DPP10: variants seen among roughly 807,000 people sequenced by gnomAD.
DPP10 encodes inactive dipeptidyl peptidase 10.
A neutral mutation model predicts 120.9 loss-of-function variants in DPP10; 33 were observed. The ratio of observed to expected loss-of-function variants is 0.27; its 90% CI spans 0.21 to 0.37. The LOEUF is 0.37. Among genes scored for constraint, DPP10 ranks in the 10% least tolerant of loss-of-function variants. The pLI is 1.00. For missense variants in DPP10, 816 were observed against 942.8 expected, an observed-to-expected ratio of 0.87 and a Z score of 1.76; for synonymous variants, 337 against 326.1, an observed-to-expected ratio of 1.03 and a Z score of -0.36.
At chr2:114,776,018 A>G (rs1364068182) in intron 1 of DPP10, among the ~76,000 whole-genome samples, 1 of 152,210 alleles carries the variant, frequency 6.6e-6, no homozygotes. Flanking sequence ...TGCAGATAGC[A>G]GGAGTTAATA....
chr2:115,366,927 G>A (rs773053807), intron 3 of DPP10, among the ~76,000 whole-genome samples: 3 of 152,012 alleles, frequency 2.0e-5, no homozygotes, highest in Non-Finnish European at 2.9e-5. Context: ...TGTTGGTCAT[G>A]CCCAAGACAA....
chr2:114,506,381 C>T (rs536255649), intron 1 of DPP10, among the ~76,000 whole-genome samples: 14 of 152,262 alleles, frequency 9.2e-5, no homozygotes, highest in East Asian at 7.7e-4. Flanking sequence ...CCACTTTCAT[C>T]GGTAATAAAA....
intron 7 of DPP10, among the ~76,000 whole-genome samples, chr2:115,702,135 G>A (rs961315496): frequency 3.9e-5 from 6 of 152,044 alleles, no homozygotes; most frequent in Non-Finnish European, 7.4e-5. Flanking sequence ...ATGACCTTGA[G>A]GAACAAGGTT....
intron 1 of DPP10, among the ~76,000 whole-genome samples, chr2:114,940,047 A>G (rs993025083): frequency 6.6e-6 from 1 of 152,156 alleles, no homozygotes; most frequent in African/African-American, 2.4e-5. Context: ...GTGTGTGCTT[A>G]TCTACCTTGT....
chr2:115,404,654 C>T (rs906287313), intron 3 of DPP10, among the ~76,000 whole-genome samples: 1 of 152,022 alleles, frequency 6.6e-6, no homozygotes, highest in Non-Finnish European at 1.5e-5. Context: ...TTTATTTTGG[C>T]TCAGCATTGT....
intron 1 of DPP10, among the ~76,000 whole-genome samples, chr2:114,676,433 A>G (rs1210040611): frequency 2.0e-5 from 3 of 152,170 alleles, no homozygotes; most frequent in African/African-American, 7.2e-5. Context: ...GGTGAGCATT[A>G]TTGGTAGTAT....
rs569725125 is a variant in DPP10 at position 114,451,988 on chromosome 2, T to C, written c.60+9150T>C. On this transcript the variant is annotated intron_variant, in intron 1 of 25. Coordinates refer to ENST00000410059, the MANE Select transcript of DPP10 (RefSeq NM_020868.6). Reference sequence around the variant, plus strand: ...ATTTAGAAAGGTACCAGCTACTTTCTTGAAGGTTATTAATAACTTATTAAT... The same window carrying C: ...ATTTAGAAAGGTACCAGCTACTTTCCTGAAGGTTATTAATAACTTATTAAT... 1.1e-4 allele frequency among the ~76,000 whole-genome samples: 16 copies of C among 152,318 alleles called. No individual in the cohort carries two copies. In the South Asian group the frequency reaches 1.4e-3, roughly 14 times the overall value.
chr2:115,280,553 A>C (rs778254837), intron 1 of DPP10, among the ~76,000 whole-genome samples: 1 of 152,236 alleles, frequency 6.6e-6, no homozygotes, highest in Non-Finnish European at 1.5e-5. Flanking sequence ...GTCATCCAAT[A>C]GTTTGCAGTG....
rs555060874 is a variant in DPP10 at position 115,433,454 on chromosome 2, C to T, written c.272-66056C>T. Among the ~76,000 whole-genome samples the T allele has an allele frequency of 4.6e-5, 7 of 151,944 alleles. No homozygotes were observed. The East Asian group carries it at 1.4e-3, about 29-fold the overall frequency. On this transcript the variant is annotated intron_variant, in intron 3 of 25. Transcript: ENST00000410059. ...GTGTGTAAATGTATAAATACATGTA[C>T]ATGTGTGTGTGTGCATATACATATA...
intron 1 of DPP10, among the ~76,000 whole-genome samples, chr2:114,803,710 T>G (rs1684468194): frequency 6.6e-6 from 1 of 152,158 alleles, no homozygotes; most frequent in Admixed American, 6.5e-5. Flanking sequence ...CTGAAGAAAT[T>G]TCTAAGCAGC....
At chr2:115,331,737 A>G (rs1336649757) in intron 2 of DPP10, among the ~76,000 whole-genome samples, 2 of 152,076 alleles carry the variant, frequency 1.3e-5, no homozygotes, top group African/African-American at 2.4e-5. Context: ...GTTGATTTGC[A>G]TATGTTGAAC....
chr2:115,543,805 A>G (rs1454888804), intron 5 of DPP10, among the ~76,000 whole-genome samples: 3 of 152,048 alleles, frequency 2.0e-5, no homozygotes, highest in Non-Finnish European at 4.4e-5. Flanking sequence ...AATGAGCGTT[A>G]ACATTTGATT....
chr2:115,248,572 G>A (rs1461885489), intron 1 of DPP10, among the ~76,000 whole-genome samples: 1 of 152,062 alleles, frequency 6.6e-6, no homozygotes, highest in Non-Finnish European at 1.5e-5. Context: ...GAGGGAATAA[G>A]TTATACAGAG....
At chr2:115,118,665 T>C (rs2049656495) in intron 1 of DPP10, among the ~76,000 whole-genome samples, 2 of 152,212 alleles carry the variant, frequency 1.3e-5, no homozygotes, top group East Asian at 1.9e-4. Flanking sequence ...CTACAATCTC[T>C]GTCTCCTGGG....
chr2:114,846,184 A>T (rs1466981262), intron 1 of DPP10, among the ~76,000 whole-genome samples: 1 of 152,124 alleles, frequency 6.6e-6, no homozygotes, highest in East Asian at 1.9e-4. Context: ...TTGAAAAAAA[A>T]CTGTTATAGT....
intron 19 of DPP10, among the ~76,000 whole-genome samples, chr2:115,804,503 C>T (rs544375442): frequency 3.9e-4 from 59 of 152,276 alleles, no homozygotes; most frequent in African/African-American, 1.3e-3. Flanking sequence ...GGAGGAGAGG[C>T]GCTCTGGTTT....
intron 5 of DPP10, among the ~76,000 whole-genome samples, chr2:115,587,382 A>G (rs981149318): frequency 3.3e-5 from 5 of 150,056 alleles, no homozygotes; most frequent in Non-Finnish European, 7.4e-5. Flanking sequence ...CCTTTTTCCT[A>G]CTCCTTAGCC....
chr2:114,680,569 T>C (rs1470356100), intron 1 of DPP10, among the ~76,000 whole-genome samples: 3 of 151,996 alleles, frequency 2.0e-5, no homozygotes, highest in South Asian at 4.1e-4. Flanking sequence ...ATGTTTTCAA[T>C]TGAATAAAAA....
At chr2:115,117,521 G>A (rs543626467) in intron 1 of DPP10, among the ~76,000 whole-genome samples, 119 of 152,296 alleles carry the variant, frequency 7.8e-4, no homozygotes, top group African/African-American at 2.8e-3. Flanking sequence ...GTTGGTAGGA[G>A]CACTTGAGTC....
Sources: allele counts gnomAD v4.1 joint callset (sites outside exome capture counted in the v4.1 genomes callset), GRCh38; gene constraint gnomAD v4.1.1; transcripts MANE v1.5; gene names NCBI Gene and HGNC (gene_info 2026-07-23, HGNC 2026-07-21).